The following LRMDA variants were observed in gnomAD, a reference collection of about 807,000 sequenced individuals.
LRMDA encodes the protein leucine rich melanocyte differentiation associated, also known as leucine-rich melanocyte differentiation-associated protein.
Under a neutral mutation model 29.8 loss-of-function variants are expected in LRMDA, and 18 were observed. That is an observed-to-expected ratio of 0.60 (90% CI 0.42 to 0.90). LRMDA has a LOEUF of 0.90. LRMDA is among the 40% of genes least tolerant of loss of function. The pLI is 0.00. For missense variants in LRMDA, 273 were observed against 273.9 expected, an observed-to-expected ratio of 1.00 and a Z score of 0.02; for synonymous variants, 125 against 109.4, an observed-to-expected ratio of 1.14 and a Z score of -0.89.
chr10:75,571,459 C>T (rs1262158560), intron 2 of LRMDA, among the ~76,000 whole-genome samples: 5 of 152,056 alleles, frequency 3.3e-5, no homozygotes, highest in Non-Finnish European at 5.9e-5. Flanking sequence ...TTTCTTTCAT[C>T]CTTGCTGGGA....
At chr10:75,835,174 A>T (rs1844412191) in intron 2 of LRMDA, among the ~76,000 whole-genome samples, 1 of 152,222 alleles carries the variant, frequency 6.6e-6, no homozygotes, top group African/African-American at 2.4e-5. Flanking sequence ...ATACAGGGCT[A>T]AAATTAAGGT....
At chr10:76,308,229 C>T (rs1840583185) in intron 5 of LRMDA, among the ~76,000 whole-genome samples, 1 of 152,194 alleles carries the variant, frequency 6.6e-6, no homozygotes. Context: ...GTCCCTTCAA[C>T]CTTCTCTTTA....
intron 2 of LRMDA, among the ~76,000 whole-genome samples, chr10:75,877,464 C>T (rs1457349679): frequency 3.9e-5 from 6 of 152,170 alleles, no homozygotes; most frequent in African/African-American, 1.4e-4. Context: ...TCTTAGATTG[C>T]GTGTGAGCTC....
At chr10:76,081,168 G>T (rs1849042766) in intron 5 of LRMDA, among the ~76,000 whole-genome samples, 1 of 152,170 alleles carries the variant, frequency 6.6e-6, no homozygotes, top group Non-Finnish European at 1.5e-5. Flanking sequence ...CTTACCACTT[G>T]TTCTTTTTTT....
intron 2 of LRMDA, among the ~76,000 whole-genome samples, chr10:75,540,525 A>T (rs150108756): frequency 8.9e-4 from 136 of 152,228 alleles, no homozygotes; most frequent in Non-Finnish European, 1.5e-3. Flanking sequence ...TCTTATTTCC[A>T]CTTGGCTGGT....
In LRMDA at chr10:75,773,320, A is replaced by G. The variant is rs16932627; in HGVS notation, c.132-262688A>G. Among the ~76,000 whole-genome samples the G allele has an allele frequency of 1.0e-2, 1,520 of 152,302 alleles. 22 individuals are homozygous for G. Among genetic ancestry groups the G allele is most frequent in the African/African-American group, 0.034 (1,428 of 41,550 alleles). ...GCAATGGAAAGATTGTAGTATGTTA[A>G]CTAGGTGAAGGGATTGACCACTCCC... On this transcript the variant is annotated intron_variant, in intron 2 of 6. Transcript: ENST00000611255.
At chr10:76,427,904 G>A (rs896707148) in intron 6 of LRMDA, among the ~76,000 whole-genome samples, 16 of 152,132 alleles carry the variant, frequency 1.1e-4, no homozygotes, top group African/African-American at 3.4e-4. Flanking sequence ...GCTGGATTAT[G>A]TCTATTGATT....
intron 5 of LRMDA, among the ~76,000 whole-genome samples, chr10:76,209,720 G>A (rs1360730241): frequency 3.3e-5 from 5 of 152,112 alleles, no homozygotes; most frequent in East Asian, 3.9e-4. Context: ...CCAGCCCCTC[G>A]GATTTGTGGC....
chr10:76,225,920 C>T (rs1383152726), intron 5 of LRMDA, among the ~76,000 whole-genome samples: 1 of 130,400 alleles, frequency 7.7e-6, no homozygotes, highest in Non-Finnish European at 1.6e-5. Context: ...TGTTCCCCTT[C>T]CTGTGTCCAA....
chr10:76,111,555 G>A (rs908057103), intron 5 of LRMDA, among the ~76,000 whole-genome samples: 7 of 152,236 alleles, frequency 4.6e-5, no homozygotes, highest in African/African-American at 1.7e-4. Context: ...TCAAAGTTTA[G>A]TAAATTGAAT....
intron 6 of LRMDA, among the ~76,000 whole-genome samples, chr10:76,373,428 T>G (rs2132461270): frequency 6.6e-6 from 1 of 152,230 alleles, no homozygotes; most frequent in African/African-American, 2.4e-5. Context: ...GTAATATTGA[T>G]TATTATGATA....
At chr10:76,185,660 C>T (rs1851135223) in intron 5 of LRMDA, among the ~76,000 whole-genome samples, 1 of 152,178 alleles carries the variant, frequency 6.6e-6, no homozygotes, top group African/African-American at 2.4e-5. Flanking sequence ...GTCCTCTTGT[C>T]CCTCTGTTAA....
intron 5 of LRMDA, among the ~76,000 whole-genome samples, chr10:76,288,096 T>C (rs548389838): frequency 6.6e-6 from 1 of 152,292 alleles, no homozygotes; most frequent in South Asian, 2.1e-4. Flanking sequence ...AATCTAAAAA[T>C]AGAAGTGCTT....
At chr10:76,112,089 C>T (rs1849587437) in intron 5 of LRMDA, among the ~76,000 whole-genome samples, 1 of 152,148 alleles carries the variant, frequency 6.6e-6, no homozygotes, top group African/African-American at 2.4e-5. Flanking sequence ...TGGAAATTGC[C>T]GGCCGAGGGA....
chr10:76,239,367 G>C (rs1852225997), intron 5 of LRMDA, among the ~76,000 whole-genome samples: 1 of 152,116 alleles, frequency 6.6e-6, no homozygotes, highest in Non-Finnish European at 1.5e-5. Flanking sequence ...ACTAAAAAAA[G>C]AATAATAATT....
chr10:76,416,189 T>C (rs78030197), intron 6 of LRMDA, among the ~76,000 whole-genome samples: 1 of 152,164 alleles, frequency 6.6e-6, no homozygotes, highest in Non-Finnish European at 1.5e-5. Flanking sequence ...AAGGCAGGAC[T>C]GGGATGGAAG....
chr10:75,769,078 A>C (rs1843205485), intron 2 of LRMDA, among the ~76,000 whole-genome samples: 1 of 152,168 alleles, frequency 6.6e-6, no homozygotes, highest in Non-Finnish European at 1.5e-5. Flanking sequence ...GAGATTCGAG[A>C]GAGTGTTTTG....
intron 5 of LRMDA, among the ~76,000 whole-genome samples, chr10:76,271,351 T>C (rs1214126670): frequency 6.6e-6 from 1 of 151,810 alleles, no homozygotes; most frequent in Non-Finnish European, 1.5e-5. Context: ...GAGGTTGCAG[T>C]AAGTCAAGAT....
At chr10:76,425,039 C>G (rs1048963884) in intron 6 of LRMDA, among the ~76,000 whole-genome samples, 1 of 152,142 alleles carries the variant, frequency 6.6e-6, no homozygotes, top group Non-Finnish European at 1.5e-5. Flanking sequence ...TGCATTGCAT[C>G]TCAGTTGTTG....
Sources: allele counts gnomAD v4.1 joint callset (sites outside exome capture counted in the v4.1 genomes callset), GRCh38; gene constraint gnomAD v4.1.1; transcripts MANE v1.5; gene names NCBI Gene and HGNC (gene_info 2026-07-23, HGNC 2026-07-21).